The following SLC23A3 variants were observed in gnomAD, a reference collection of about 807,000 sequenced individuals.
The protein encoded by SLC23A3 is E2-binding protein 3.
A neutral mutation model predicts 64.7 loss-of-function variants in SLC23A3; 41 were observed. The observed-to-expected ratio is 0.63, with a 90% confidence interval of 0.49 to 0.82. The LOEUF is 0.82. SLC23A3 is among the 40% of genes least tolerant of loss of function. The probability of loss-of-function intolerance (pLI) is 0.00; values close to 1 mark genes in which losing one functional copy is unlikely to be tolerated. For missense variants in SLC23A3, 647 were observed against 733.4 expected (o/e 0.88, Z 1.36); for synonymous variants, 281 against 306.8 (o/e 0.92, Z 0.88).
rs775544706 is a variant in SLC23A3, at chr2:219,169,349, G to C, written c.378C>G (p.Thr126=). The C allele has an allele frequency of 3.7e-6, 6 of 1,614,178 alleles. No homozygotes were observed. In the South Asian group the frequency reaches 6.6e-5, roughly 18 times the overall value. Residue 126 remains threonine (T), a synonymous_variant, in exon 3 of 12, where the codon ACC becomes ACG. Transcript: ENST00000409878. This position sits in a 1 kb window ranked among gnomAD's most constrained non-coding sequence, Gnocchi z 4.5. The part of the protein sequence containing the change: ...LEFLIPALVL[T]SQKLPRAIQT... Reference sequence around the variant, plus strand: ...GGATGGCCCGGGGTAGCTTCTGGCTGGTCAGCACCAGAGCAGGGATAAGGA... The same window carrying C: ...GGATGGCCCGGGGTAGCTTCTGGCTCGTCAGCACCAGAGCAGGGATAAGGA...
In SLC23A3 at chr2:219,164,276, G is replaced by C. The variant is rs1403707569; in HGVS notation, c.1230C>G (p.Pro410=). 5 of 1,610,240 alleles carry C rather than the reference G, an allele frequency of 3.1e-6. No individual in the cohort carries two copies. The South Asian group carries it at 5.6e-5, about 18-fold the overall frequency. ...TGGTGGTGAGGAGCTGAGCCAACCT[G>C]GGGGAGAGTCCAAGCCCCACGCAGA... ...GLLCVGLGLS[P]RLAQLLTTIP... is the part of the protein sequence containing the mutation. The change falls in exon 9 of 12, where the codon CCC becomes CCG. Residue 410 remains proline, a synonymous_variant. Coordinates refer to ENST00000409878, the MANE Select transcript of SLC23A3 (RefSeq NM_001144889.2).
chr2:219,162,268 C>T, intron 11 of SLC23A3, 31 bp downstream of exon 11: 2 of 1,613,808 alleles, frequency 1.2e-6, no homozygotes, highest in Non-Finnish European at 1.7e-6. Flanking sequence ...CTGGCCACTC[C>T]CCAGTCTGCT....
chr2:219,165,130 A>T, intron 8 of SLC23A3, 39 bp downstream of exon 8: 1 of 1,545,226 alleles, frequency 6.5e-7, no homozygotes, highest in South Asian at 1.2e-5. Context: ...CTTCCCCTCT[A>T]GCTCCATCCT....
At position 219,165,345 on chromosome 2, in the gene SLC23A3, A is replaced by G. The variant is rs749905114; in HGVS notation, c.991T>C (p.Ser331Pro). Residue 331 changes from serine (S) to proline (P), a missense_variant, in exon 8 of 12, where the codon TCC becomes CCC. Physicochemically the swap from Ser to Pro is moderately conservative, Grantham distance 74 (BLOSUM62 -1). Transcript: ENST00000409878. ...CCACACAGGGCATAGCAGCCCAGGG[A>G]ACTGGTGGAGGCTGCCAAGGCCATG... is the stretch of plus-strand genomic sequence containing the variant. ...ISMALAASTS[S>P]LGCYALCGRL... The G allele has an allele frequency of 3.9e-6, 6 of 1,551,460 alleles. No individual in the cohort carries two copies. In the South Asian group the frequency reaches 7.1e-5, roughly 18 times the overall value.
chr2:219,165,255 G>GC lies in SLC23A3; in HGVS notation c.1080dup (p.Leu361AlafsTer87). On this transcript the variant is annotated frameshift_variant, in exon 8 of 12. Coordinates refer to ENST00000409878, the MANE Select transcript of SLC23A3 (RefSeq NM_001144889.2). LOFTEE classifies it high-confidence loss of function. ...AGCAGCCCGGCCAGCACACTGCCCA[G>GC]CCCCTCCAGGCTCAGCCCTCGACTG... is the stretch of plus-strand genomic sequence containing the variant. 9 of 1,551,678 alleles carry GC rather than the reference G, an allele frequency of 5.8e-6. No individual in the cohort carries two copies. The highest frequency in any genetic ancestry group is 7.8e-6 in the Non-Finnish European group (9 of 1,147,030).
chr2:219,163,650 C>G (rs1420778000), intron 9 of SLC23A3, 95 bp from the exon 10 acceptor site: 7 of 1,161,628 alleles, frequency 6.0e-6, no homozygotes, highest in African/African-American at 1.6e-5. Flanking sequence ...TAATGGGAAA[C>G]AAATAAAACC....
At chr2:219,166,651 CAG>C (rs996140492) in intron 7 of SLC23A3, among the ~76,000 whole-genome samples, 5 of 152,186 alleles carry the variant, frequency 3.3e-5, no homozygotes, top group African/African-American at 1.2e-4. Context: ...CCTCCTGCCT[CAG>C]TCTCCTGAGT....
chr2:219,169,424 C>T lies in SLC23A3; in HGVS notation c.321-18G>A. On this transcript the variant is annotated intron_variant, in intron 2 of 11. Coordinates refer to ENST00000409878, the MANE Select transcript of SLC23A3 (RefSeq NM_001144889.2). This position sits in a 1 kb window ranked among gnomAD's most constrained non-coding sequence, Gnocchi z 4.5. ...GAGGCAGCCTGTAGGAACAGCAGCC[C>T]CAGCAGGTCTGGGACTATGTGGCAG... The T allele has an allele frequency of 2.5e-6, 4 of 1,614,126 alleles. No individual in the cohort carries two copies. The highest frequency in any genetic ancestry group is 1.3e-5 in the African/African-American group (1 of 75,044).
At position 219,168,639 on chromosome 2, in the gene SLC23A3, A is replaced by G. The variant is rs1164905017; in HGVS notation, c.674+13T>C. 6.2e-7 allele frequency: 1 copy of G among 1,612,406 alleles called. No homozygotes were observed. The highest frequency in any genetic ancestry group is 8.5e-7 in the Non-Finnish European group (1 of 1,179,248). On this transcript the variant is annotated intron_variant, in intron 5 of 11. Transcript: ENST00000409878. The stretch of plus-strand genomic sequence containing the variant: ...CACTGGGCACCATCCCACGCCTCTC[A>G]GGACTCACGTACAGCAAGGCCAACC...
chr2:219,167,539 C>T (rs2106378649), intron 7 of SLC23A3, among the ~76,000 whole-genome samples: 1 of 149,620 alleles, frequency 6.7e-6, no homozygotes, highest in African/African-American at 2.5e-5. Context: ...ATCACTTGAG[C>T]CCAGGAGTTT....
chr2:219,161,864 T>G lies in SLC23A3; in HGVS notation c.*45A>C. ...GTTTGGGAGCTGACTCTCCAGCAGATGAGAGTTAGGGCTAAATTAACCAGG... is the reference window on the plus strand; with the variant it reads ...GTTTGGGAGCTGACTCTCCAGCAGAGGAGAGTTAGGGCTAAATTAACCAGG... On this transcript the variant is annotated 3_prime_UTR_variant, in exon 12 of 12. Coordinates refer to ENST00000409878, the MANE Select transcript of SLC23A3 (RefSeq NM_001144889.2). 6.7e-6 allele frequency: 10 copies of G among 1,502,106 alleles called. No individual in the cohort carries two copies. Among genetic ancestry groups the G allele is most frequent in the South Asian group, 1.4e-5 (1 of 73,900 alleles). The allele number at this position is 1,502,106 out of a possible 1,614,324, so 93.0% of individuals were successfully genotyped here.
chr2:219,162,158 G>A lies in SLC23A3; in HGVS notation c.1584C>T (p.Phe528=). The A allele has an allele frequency of 6.2e-7, 1 of 1,613,300 alleles. No individual in the cohort carries two copies. Among genetic ancestry groups the A allele is most frequent in the Admixed American group, 1.7e-5 (1 of 59,968 alleles). Residue 528 remains phenylalanine (F), a synonymous_variant, in exon 12 of 12, where the codon TTC becomes TTT. Coordinates refer to ENST00000409878, the MANE Select transcript of SLC23A3 (RefSeq NM_001144889.2). ...RGLGQGLPSP[F]TAQEARMPQK... is the part of the protein sequence containing the mutation. The stretch of plus-strand genomic sequence containing the variant: ...GAGGCATTCGAGCCTCTTGGGCAGT[G>A]AAAGGAGATGGTAGCCCTTGACCTA...
chr2:219,168,603 C>A, intron 5 of SLC23A3, 49 bp downstream of exon 5: 16 of 1,573,036 alleles, frequency 1.0e-5, no homozygotes, highest in Non-Finnish European at 1.4e-5. Context: ...CCTAGTCCCC[C>A]CATACACCCC....
intron 10 of SLC23A3, 137 bp from the exon 11 acceptor site, chr2:219,162,531 C>T: frequency 1.5e-6 from 1 of 665,280 alleles, no homozygotes; most frequent in Non-Finnish European, 2.6e-6. Flanking sequence ...CCCTCTCACC[C>T]TTTGTCTTTC....
chr2:219,162,842 C>T (rs1207487365), intron 10 of SLC23A3, among the ~76,000 whole-genome samples: 1 of 152,146 alleles, frequency 6.6e-6, no homozygotes, highest in Non-Finnish European at 1.5e-5. Context: ...ATCCACTAAA[C>T]CCTAGTAACA....
At chr2:219,165,094 A>G (rs1438396361) in intron 8 of SLC23A3, 75 bp downstream of exon 8, 17 of 1,498,166 alleles carry the variant, frequency 1.1e-5, no homozygotes, top group Non-Finnish European at 1.3e-5. Context: ...CCTGGCAATC[A>G]ATCGGTGTAA....
chr2:219,163,676 T>C, intron 9 of SLC23A3, 121 bp from the exon 10 acceptor site: 2 of 1,045,344 alleles, frequency 1.9e-6, no homozygotes, highest in East Asian at 2.5e-5. Flanking sequence ...GAATGATTTT[T>C]GTTTTTTTTG....
Position 219,162,060 on chromosome 2 carries a change from G to A in SLC23A3, c.1682C>T (p.Pro561Leu), listed in dbSNP as rs1184234476. The change falls in exon 12 of 12, where the codon CCC becomes CTC. Residue 561 changes from proline to leucine, a missense_variant. Physicochemically the swap from Pro to Leu is moderately conservative, Grantham distance 98. Coordinates refer to ENST00000409878, the MANE Select transcript of SLC23A3 (RefSeq NM_001144889.2). ...TGGGCAGAGGCAGTGGAGAGGCTGG[G>A]GGATGCAGGGACAGAGGTTTTGGAT... ...FPIQNLCPCI[P>L]QPLHCLCPLP... 5.0e-6 allele frequency: 8 copies of A among 1,614,198 alleles called. No individual in the cohort carries two copies. The highest frequency in any genetic ancestry group is 6.8e-6 in the Non-Finnish European group (8 of 1,180,046).
At chr2:219,168,915 A>G in intron 4 of SLC23A3, 82 bp from the exon 5 acceptor site, 2 of 1,551,304 alleles carry the variant, frequency 1.3e-6, no homozygotes, top group African/African-American at 1.4e-5. Context: ...AATTCTAAGT[A>G]TGGGTTCCTC....
Sources: allele counts gnomAD v4.1 joint callset (sites outside exome capture counted in the v4.1 genomes callset), GRCh38; gene constraint gnomAD v4.1.1; non-coding constraint Gnocchi (gnomAD v3.1); transcripts MANE v1.5; gene names NCBI Gene and HGNC (gene_info 2026-07-23, HGNC 2026-07-21).